Variants in FRYL observed in about 807,000 individuals in gnomAD.
The protein encoded by FRYL is protein furry homolog-like.
Under a neutral mutation model 351.2 loss-of-function variants are expected in FRYL, and 150 were observed. The ratio of observed to expected loss-of-function variants is 0.43; its 90% confidence interval spans 0.37 to 0.49. The LOEUF (loss-of-function observed/expected upper bound fraction) is 0.49. Among genes scored for constraint, FRYL ranks in the 20% least tolerant of loss-of-function variants. The pLI, the probability that FRYL is intolerant of heterozygous loss-of-function variation, is 0.00. For synonymous variants in FRYL, 1,153 were observed against 1,257.1 expected (o/e 0.92, Z 1.75); for missense variants, 3,036 against 3,619.3 (o/e 0.84, Z 4.13).
chr4:48,643,501 CAAAT>C (rs896580200), intron 3 of FRYL, among the ~76,000 whole-genome samples: 11 of 152,050 alleles, frequency 7.2e-5, no homozygotes, highest in African/African-American at 1.4e-4. Context: ...ACAAAGAAAA[CAAAT>C]AAAATATTTA....
chr4:48,741,228 C>T (rs1464211991), intron 1 of FRYL, among the ~76,000 whole-genome samples: 1 of 151,712 alleles, frequency 6.6e-6, no homozygotes, highest in Admixed American at 6.6e-5. Flanking sequence ...TGCAACATGG[C>T]GAAGACTCAT....
At chr4:48,505,790 G>T in intron 59 of FRYL, 175 bp from the exon 60 acceptor site, 1 of 522,540 alleles carries the variant, frequency 1.9e-6, no homozygotes, top group Non-Finnish European at 3.4e-6. Flanking sequence ...AACAAAAGCA[G>T]GGATAGCATT....
Position 48,608,979 on chromosome 4 carries a change from A to G in FRYL, c.572+8T>C. ...AGAAAATCTAAATGGGTGATTTACA[A>G]AACTTACTTTGATTGGGCAAGAACC... is the stretch of plus-strand genomic sequence containing the variant. On this transcript the variant is annotated splice_region_variant and intron_variant, in intron 9 of 63. Transcript: ENST00000358350. 1 of 1,579,994 alleles carries G rather than the reference A, an allele frequency of 6.3e-7. No individual in the cohort carries two copies. Among genetic ancestry groups the G allele is most frequent in the Non-Finnish European group, 8.7e-7 (1 of 1,149,606 alleles).
At chr4:48,688,887 C>G (rs1029198641) in intron 2 of FRYL, among the ~76,000 whole-genome samples, 1 of 152,026 alleles carries the variant, frequency 6.6e-6, no homozygotes, top group Admixed American at 6.6e-5. Context: ...TAGTCTTGAA[C>G]TTTTGACCTC....
intron 3 of FRYL, among the ~76,000 whole-genome samples, chr4:48,635,319 G>C (rs1754007500): frequency 6.6e-6 from 1 of 152,126 alleles, no homozygotes; most frequent in African/African-American, 2.4e-5. Context: ...GGAAAATGTA[G>C]ACCCAGGGAA....
intron 1 of FRYL, among the ~76,000 whole-genome samples, chr4:48,732,854 C>T (rs1770880700): frequency 1.3e-5 from 2 of 150,832 alleles, no homozygotes; most frequent in South Asian, 2.1e-4. Flanking sequence ...CAGCAAACCA[C>T]CATGGAATGT....
intron 4 of FRYL, among the ~76,000 whole-genome samples, chr4:48,631,383 A>C (rs1752921570): frequency 6.6e-6 from 1 of 152,204 alleles, no homozygotes. Flanking sequence ...TAATAAGATA[A>C]ATGAATAGCA....
intron 3 of FRYL, among the ~76,000 whole-genome samples, chr4:48,667,021 G>A (rs1052825643): frequency 6.6e-6 from 1 of 152,192 alleles, no homozygotes; most frequent in African/African-American, 2.4e-5. Flanking sequence ...TTGCTAGATA[G>A]ACTAATCCTC....
At chr4:48,551,406 A>G in intron 37 of FRYL, 88 bp downstream of exon 37, 1 of 725,726 alleles carries the variant, frequency 1.4e-6, no homozygotes. Context: ...AGCAACATCC[A>G]CATTTCAATG....
At chr4:48,677,401 T>G (rs954220466) in intron 3 of FRYL, among the ~76,000 whole-genome samples, 12 of 152,008 alleles carry the variant, frequency 7.9e-5, no homozygotes, top group Admixed American at 2.0e-4. Flanking sequence ...TAACGATTTT[T>G]TGTGTGTGTG....
At chr4:48,726,989 C>A (rs1011745073) in intron 1 of FRYL, among the ~76,000 whole-genome samples, 1 of 151,912 alleles carries the variant, frequency 6.6e-6, no homozygotes, top group African/African-American at 2.4e-5. Context: ...CTGACAGGGG[C>A]AGGTAGTTTA....
intron 3 of FRYL, among the ~76,000 whole-genome samples, chr4:48,636,542 T>C (rs1239977899): frequency 6.6e-6 from 1 of 151,964 alleles, no homozygotes; most frequent in Non-Finnish European, 1.5e-5. Flanking sequence ...TTACTTAAAA[T>C]GACTTCACAA....
At chr4:48,721,117 C>T (rs892407132) in intron 1 of FRYL, among the ~76,000 whole-genome samples, 10 of 152,156 alleles carry the variant, frequency 6.6e-5, no homozygotes, top group Admixed American at 3.9e-4. Flanking sequence ...ATGTCACTAT[C>T]CTATTTCCAT....
chr4:48,550,350 G>C (rs1042872448), intron 38 of FRYL, among the ~76,000 whole-genome samples: 3 of 152,124 alleles, frequency 2.0e-5, no homozygotes, highest in East Asian at 3.9e-4. Flanking sequence ...GATGCTTCCT[G>C]AGAACCAGTT....
intron 58 of FRYL, 106 bp downstream of exon 58, chr4:48,510,729 T>C (rs1055520921): frequency 1.1e-6 from 1 of 881,802 alleles, no homozygotes; most frequent in Non-Finnish European, 1.8e-6. Flanking sequence ...ATGTTGAAAA[T>C]ACGAACCTTT....
In FRYL at chr4:48,684,733, G is replaced by C. The variant is rs1453903939; in HGVS notation, c.-141C>G. The C allele has an allele frequency of 6.6e-6, 1 of 152,154 alleles. No homozygotes were observed. Among genetic ancestry groups the C allele is most frequent in the East Asian group, 1.9e-4 (1 of 5,190 alleles). 9.4% of individuals were successfully genotyped at this position (152,154 alleles called of 1,614,324 possible). A position where few individuals can be genotyped will look rare whatever the true frequency, so the allele number is the denominator to read the frequency against. The stretch of plus-strand genomic sequence containing the variant: ...GATCATCTAATCCTATGACTCTTGA[G>C]TGGTTTCAGGAATTAAGCATTTAGA... On this transcript the variant is annotated 5_prime_UTR_variant, in exon 3 of 64. Transcript: ENST00000358350.
At chr4:48,762,324 A>G (rs1463015752) in intron 1 of FRYL, among the ~76,000 whole-genome samples, 5 of 152,228 alleles carry the variant, frequency 3.3e-5, no homozygotes, top group African/African-American at 9.6e-5. Context: ...GCAGGATCCC[A>G]TCAACCATAT....
At chr4:48,739,965 C>T (rs1201348171) in intron 1 of FRYL, among the ~76,000 whole-genome samples, 1 of 152,198 alleles carries the variant, frequency 6.6e-6, no homozygotes, top group African/African-American at 2.4e-5. Context: ...CCTTGGGACA[C>T]TTTAGAGAGT....
intron 55 of FRYL, 83 bp from the exon 56 acceptor site, chr4:48,515,358 T>A: frequency 9.8e-7 from 1 of 1,022,218 alleles, no homozygotes; most frequent in Non-Finnish European, 1.4e-6. Flanking sequence ...TTGCCATCCA[T>A]CTAAGTCTGT....
Sources: gnomAD v4.1 joint callset for allele counts (sites outside exome capture counted in the v4.1 genomes callset) on GRCh38, gnomAD v4.1.1 for gene constraint, MANE v1.5 for transcripts, NCBI Gene and HGNC (gene_info 2026-07-23, HGNC 2026-07-21) for gene names.